The following PKN2 variants were observed in gnomAD, a reference collection of about 807,000 sequenced individuals.
PKN2 encodes the protein serine/threonine-protein kinase N2.
Under a neutral mutation model 119.1 loss-of-function variants are expected in PKN2, and 38 were observed. That is an observed-to-expected ratio of 0.32 (90% CI 0.25 to 0.42). The LOEUF (loss-of-function observed/expected upper bound fraction) is 0.42, where lower values mean the gene tolerates loss of function less well. PKN2 is among the 10% of genes least tolerant of loss of function. The pLI, the probability that PKN2 is intolerant of heterozygous loss-of-function variation, is 1.00. For missense variants in PKN2, 850 were observed against 1,165.1 expected, an observed-to-expected ratio of 0.73 and a Z score of 3.94; for synonymous variants, 390 against 384.9, an observed-to-expected ratio of 1.01 and a Z score of -0.15.
intron 1 of PKN2, among the ~76,000 whole-genome samples, chr1:88,721,800 G>C (rs1444810447): frequency 6.6e-6 from 1 of 152,176 alleles, no homozygotes; most frequent in Non-Finnish European, 1.5e-5. Flanking sequence ...ATCTACATAG[G>C]CTTTGAATTT....
intron 18 of PKN2, among the ~76,000 whole-genome samples, chr1:88,826,980 A>T (rs1405368111): frequency 2.0e-5 from 3 of 152,058 alleles, no homozygotes; most frequent in African/African-American, 4.8e-5. Context: ...CCAAAAAAAA[A>T]TTTCTCCACT....
intron 1 of PKN2, among the ~76,000 whole-genome samples, chr1:88,687,312 G>T (rs1441411060): frequency 6.6e-6 from 1 of 152,036 alleles, no homozygotes; most frequent in East Asian, 1.9e-4. Context: ...GAGGTTTCAA[G>T]GTATAAGGAA....
chr1:88,814,711 G>A (rs1671916315), intron 16 of PKN2, among the ~76,000 whole-genome samples: 1 of 152,070 alleles, frequency 6.6e-6, no homozygotes, highest in South Asian at 2.1e-4. Flanking sequence ...AGTCATTCTT[G>A]ATGCTCTTTT....
intron 1 of PKN2, among the ~76,000 whole-genome samples, chr1:88,707,847 ATTTC>A (rs1277847429): frequency 6.6e-6 from 1 of 152,142 alleles, no homozygotes; most frequent in Non-Finnish European, 1.5e-5. Flanking sequence ...GACATTTTAC[ATTTC>A]TTTATCTCAG....
chr1:88,774,512 A>G (rs1397640094), intron 6 of PKN2, among the ~76,000 whole-genome samples: 1 of 152,164 alleles, frequency 6.6e-6, no homozygotes, highest in Non-Finnish European at 1.5e-5. Context: ...CACGCCTATC[A>G]CTGGGGGAAA....
At chr1:88,808,752 T>G (rs1411307117) in intron 15 of PKN2, among the ~76,000 whole-genome samples, 3 of 152,194 alleles carry the variant, frequency 2.0e-5, no homozygotes, top group Non-Finnish European at 4.4e-5. Flanking sequence ...GAAAGAGGCT[T>G]TCAATGGACA....
intron 1 of PKN2, among the ~76,000 whole-genome samples, chr1:88,719,960 T>C (rs1325314981): frequency 1.3e-5 from 2 of 152,212 alleles, no homozygotes; most frequent in African/African-American, 4.8e-5. Flanking sequence ...GTGTGTAGTG[T>C]GCCAAAATTC....
chr1:88,826,575 C>A (rs1285489715), intron 18 of PKN2, among the ~76,000 whole-genome samples: 2 of 152,034 alleles, frequency 1.3e-5, no homozygotes, highest in African/African-American at 4.8e-5. Flanking sequence ...TCATCATCCA[C>A]CCCCCTTCCA....
intron 8 of PKN2, among the ~76,000 whole-genome samples, chr1:88,799,819 A>G (rs1395110643): frequency 6.6e-6 from 1 of 152,210 alleles, no homozygotes; most frequent in Non-Finnish European, 1.5e-5. Context: ...TCACATCTCC[A>G]TAAGTAGCCA....
intron 1 of PKN2, among the ~76,000 whole-genome samples, chr1:88,692,831 TAAATGCCTCTACCTTCTTTGGC>T (rs772730507): frequency 3.9e-5 from 6 of 152,226 alleles, no homozygotes; most frequent in Non-Finnish European, 8.8e-5. Flanking sequence ...GGGACAGTTT[TAAATGCCTCTACCTTCTTTGGC>T]AAATATTTGG....
chr1:88,763,651 G>A (rs1462538459), intron 3 of PKN2, among the ~76,000 whole-genome samples: 1 of 148,792 alleles, frequency 6.7e-6, no homozygotes, highest in African/African-American at 2.5e-5. Context: ...ATCCTCCTCA[G>A]ACTTAAAGAA....
In PKN2 at chr1:88,771,497, A is replaced by G; in HGVS notation, c.699A>G (p.Ala233=). Residue 233 remains alanine, a synonymous_variant, in exon 5 of 22, where the codon GCA becomes GCG. Transcript: ENST00000370521. ...ATTTTAGGATAGAGTTTGCAGTAGC[A>G]GAAGGTGCAAAGAATGTAATGAAAT... ...RHHFRIEFAV[A]EGAKNVMKLL... 3 of 1,609,674 alleles carry G rather than the reference A, an allele frequency of 1.9e-6. No individual in the cohort carries two copies. The highest frequency in any genetic ancestry group is 2.5e-6 in the Non-Finnish European group (3 of 1,177,652).
intron 4 of PKN2, 56 bp downstream of exon 4, chr1:88,770,525 T>C: frequency 1.1e-6 from 1 of 924,272 alleles, no homozygotes. Context: ...AATAATCTTA[T>C]GCAGGAACAG....
chr1:88,820,211 TATATATATATATATATATATATAA>T lies in PKN2; in HGVS notation c.2280-1726_2280-1703del, dbSNP rs1245860603. 3.1e-4 allele frequency among the ~76,000 whole-genome samples: 34 copies of T among 110,114 alleles called. 1 individual carries two copies. Among genetic ancestry groups the T allele is most frequent in the African/African-American group, 1.5e-3 (33 of 21,324 alleles). The allele number at this position is 110,114 out of a possible 152,430, so 72.2% of individuals were successfully genotyped here. A position where few individuals can be genotyped will look rare whatever the true frequency, so the allele number is the denominator to read the frequency against. The stretch of plus-strand genomic sequence containing the variant: ...ATATATATATATATATATATATATA[TATATATATATATATATATATATAA>T]ATAGAAAAAAATAAAAATGCGAGGC... On this transcript the variant is annotated intron_variant, in intron 16 of 21. Coordinates refer to ENST00000370521, the MANE Select transcript of PKN2 (RefSeq NM_006256.4).
At chr1:88,714,050 ATTT>A (rs1667346408) in intron 1 of PKN2, among the ~76,000 whole-genome samples, 1 of 152,088 alleles carries the variant, frequency 6.6e-6, no homozygotes, top group Non-Finnish European at 1.5e-5. Flanking sequence ...TCCTTTCTCC[ATTT>A]CTTGTTTCTG....
At chr1:88,756,420 T>C (rs1157923778) in intron 2 of PKN2, among the ~76,000 whole-genome samples, 3 of 152,192 alleles carry the variant, frequency 2.0e-5, no homozygotes, top group African/African-American at 7.2e-5. Context: ...TAATTCTCTG[T>C]CTTGTGGGGA....
intron 2 of PKN2, among the ~76,000 whole-genome samples, chr1:88,756,002 T>C (rs1557590086): frequency 6.6e-6 from 1 of 151,046 alleles, no homozygotes; most frequent in East Asian, 1.9e-4. Context: ...AACCTCCACC[T>C]CCTGGGTTCA....
chr1:88,710,661 G>T (rs1471746852), intron 1 of PKN2, among the ~76,000 whole-genome samples: 1 of 152,168 alleles, frequency 6.6e-6, no homozygotes, highest in Non-Finnish European at 1.5e-5. Flanking sequence ...CACAGATGCT[G>T]TCGAGGTGGA....
chr1:88,737,428 T>A (rs1668397369), intron 1 of PKN2, among the ~76,000 whole-genome samples: 1 of 152,054 alleles, frequency 6.6e-6, no homozygotes, highest in South Asian at 2.1e-4. Context: ...ATCAAAGTAC[T>A]GCTTTTGTAT....
Sources: allele counts gnomAD v4.1 joint callset (sites outside exome capture counted in the v4.1 genomes callset), GRCh38; gene constraint gnomAD v4.1.1; transcripts MANE v1.5; gene names NCBI Gene and HGNC (gene_info 2026-07-23, HGNC 2026-07-21).